The following NAF1 variants were observed in gnomAD, a reference collection of about 807,000 sequenced individuals.
NAF1 encodes the protein H/ACA ribonucleoprotein complex non-core subunit NAF1.
NAF1 carries 11 observed loss-of-function variants against 40.6 expected under a neutral mutation model. The ratio of observed to expected loss-of-function variants is 0.27; its 90% CI spans 0.17 to 0.45. The LOEUF is 0.45. NAF1 is among the 20% of genes least tolerant of loss of function. The probability of loss-of-function intolerance (pLI) is 1.00; values close to 1 mark genes in which losing one functional copy is unlikely to be tolerated. For missense variants in NAF1, 607 were observed against 611.1 expected (o/e 0.99, Z 0.07); for synonymous variants, 260 against 228.5 (o/e 1.14, Z -1.24).
chr4:163,153,909 C>T (rs1245896407), intron 2 of NAF1, among the ~76,000 whole-genome samples: 2 of 152,098 alleles, frequency 1.3e-5, no homozygotes, highest in Admixed American at 6.6e-5. Context: ...TTTTATGAGC[C>T]ATAACACTCA....
downstream of NAF1, chr4:163,108,717 T>C (rs950081002): frequency 6.6e-6 from 1 of 152,202 alleles, no homozygotes; most frequent in Non-Finnish European, 1.5e-5. Context: ...TCTTAAAATG[T>C]ATTCAATTAA....
intron 2 of NAF1, among the ~76,000 whole-genome samples, chr4:163,155,836 G>A (rs879827703): frequency 1.3e-5 from 2 of 152,044 alleles, no homozygotes; most frequent in African/African-American, 2.4e-5. Flanking sequence ...GGGAAAATAC[G>A]GCCAGAAAAC....
chr4:163,133,107 G>T, intron 7 of NAF1, 47 bp downstream of exon 7: 1 of 1,421,862 alleles, frequency 7.0e-7, no homozygotes, highest in Non-Finnish European at 9.9e-7. Context: ...AACTTATATA[G>T]ATGTAAATGA....
chr4:163,142,985 G>C (rs1351282213), intron 4 of NAF1, among the ~76,000 whole-genome samples: 1 of 152,126 alleles, frequency 6.6e-6, no homozygotes, highest in East Asian at 1.9e-4. Flanking sequence ...TAAAAGCAAA[G>C]GAAGTAATAG....
At chr4:163,148,504 C>G in intron 2 of NAF1, 70 bp from the exon 3 acceptor site, 1 of 1,049,124 alleles carries the variant, frequency 9.5e-7, no homozygotes, top group South Asian at 1.5e-5. Context: ...ATAAATTTTC[C>G]ATTTTAAGTG....
At chr4:163,166,310 C>T (rs536398430) in intron 1 of NAF1, 53 bp downstream of exon 1, 32 of 1,515,724 alleles carry the variant, frequency 2.1e-5, no homozygotes, top group African/African-American at 7.0e-5. Context: ...CAGCCACCCC[C>T]GCCCGTCATA....
At chr4:163,164,520 A>G (rs568238232) in intron 1 of NAF1, 129 bp from the exon 2 acceptor site, 133 of 675,016 alleles carry the variant, frequency 2.0e-4, no homozygotes, top group Non-Finnish European at 2.8e-4. Flanking sequence ...TTAAAATAAG[A>G]TTATGCAATT....
chr4:163,144,901 T>C (rs992458142), intron 4 of NAF1, among the ~76,000 whole-genome samples: 2 of 152,180 alleles, frequency 1.3e-5, no homozygotes, highest in African/African-American at 4.8e-5. Flanking sequence ...CAGATTAAAA[T>C]TGTCTAAGTT....
At chr4:163,152,479 G>A (rs549079439) in intron 2 of NAF1, among the ~76,000 whole-genome samples, 3 of 152,324 alleles carry the variant, frequency 2.0e-5, no homozygotes, top group Admixed American at 1.3e-4. Context: ...ACAGTGTCTG[G>A]CAGGCCCTCT....
intron 6 of NAF1, among the ~76,000 whole-genome samples, chr4:163,134,217 CTATTA>C (rs1420304552): frequency 6.6e-6 from 1 of 151,910 alleles, no homozygotes; most frequent in Non-Finnish European, 1.5e-5. Flanking sequence ...CAGAAAACGT[CTATTA>C]TGTTTCATAC....
downstream of NAF1, chr4:163,108,972 G>C (rs1186084877): frequency 6.6e-6 from 1 of 152,046 alleles, no homozygotes; most frequent in Non-Finnish European, 1.5e-5. Flanking sequence ...AATGAAATTA[G>C]GCTTAGGAAG....
chr4:163,105,686 AT>A (rs1158810903), downstream of NAF1, among the ~76,000 whole-genome samples: 2 of 152,230 alleles, frequency 1.3e-5, no homozygotes, highest in African/African-American at 4.8e-5. Context: ...TAGAATGCCT[AT>A]TTAACTCAAA....
the NAF1 span, among the ~76,000 whole-genome samples, chr4:163,104,641 C>T: frequency 1.3e-5 from 2 of 152,162 alleles, no homozygotes; most frequent in Middle Eastern, 3.2e-3. Context: ...ACTCACCCAT[C>T]CCAGACACTG....
intron 6 of NAF1, chr4:163,134,996 T>C (rs1213725307): frequency 6.6e-6 from 1 of 152,212 alleles, no homozygotes; most frequent in Non-Finnish European, 1.5e-5. Context: ...GAAAAATTCA[T>C]GTTTCTTATA....
downstream of NAF1, among the ~76,000 whole-genome samples, chr4:163,121,853 C>T (rs1023435468): frequency 6.6e-6 from 1 of 152,184 alleles, no homozygotes; most frequent in Non-Finnish European, 1.5e-5. Flanking sequence ...TTGGGAAAGA[C>T]TGAGAAGTAA....
chr4:163,158,354 G>A (rs1166969135), intron 2 of NAF1: 1 of 151,974 alleles, frequency 6.6e-6, no homozygotes, highest in Non-Finnish European at 1.5e-5. Context: ...GAAAAAGAAT[G>A]GATTAGGTCT....
At chr4:163,158,427 G>C (rs985950286) in intron 2 of NAF1, 15 of 152,072 alleles carry the variant, frequency 9.9e-5, no homozygotes, top group African/African-American at 3.4e-4. Context: ...CTTCTTCAGG[G>C]GAAGTAATTT....
intron 4 of NAF1, among the ~76,000 whole-genome samples, chr4:163,140,783 T>C (rs1731231016): frequency 6.6e-6 from 1 of 152,236 alleles, no homozygotes; most frequent in Non-Finnish European, 1.5e-5. Context: ...AATCATCAGA[T>C]GGGAAATATA....
At chr4:163,165,258 C>T (rs1437282314) in intron 1 of NAF1, among the ~76,000 whole-genome samples, 2 of 152,182 alleles carry the variant, frequency 1.3e-5, no homozygotes, top group Non-Finnish European at 2.9e-5. Context: ...GATTTCACTG[C>T]TGTTAACTGG....
Sources: allele counts gnomAD v4.1 joint callset (sites outside exome capture counted in the v4.1 genomes callset), GRCh38; gene constraint gnomAD v4.1.1; transcripts MANE v1.5; gene names NCBI Gene and HGNC (gene_info 2026-07-23, HGNC 2026-07-21).